The following RYR2 variants were observed in gnomAD, a reference collection of about 807,000 sequenced individuals.
RYR2 encodes the protein cardiac muscle ryanodine receptor-calcium release channel.
Under a neutral mutation model 601.1 loss-of-function variants are expected in RYR2, and 227 were observed. The ratio of observed to expected loss-of-function variants is 0.38; its 90% CI spans 0.34 to 0.42. RYR2 has a LOEUF of 0.42. Among genes scored for constraint, RYR2 ranks in the 10% least tolerant of loss-of-function variants. The probability of loss-of-function intolerance (pLI) is 1.00; values close to 1 mark genes in which losing one functional copy is unlikely to be tolerated. For missense variants in RYR2, 4,646 were observed against 6,156.5 expected, an observed-to-expected ratio of 0.75 and a Z score of 8.21; for synonymous variants, 2,223 against 2,175.1, an observed-to-expected ratio of 1.02 and a Z score of -0.61.
chr1:237,711,098 A>T (rs965722731), intron 70 of RYR2, among the ~76,000 whole-genome samples: 4 of 152,210 alleles, frequency 2.6e-5, no homozygotes, highest in Non-Finnish European at 4.4e-5. Context: ...TAGGTACAAG[A>T]CTAAAGTTTG....
At chr1:237,233,487 T>A (rs182430238) in intron 1 of RYR2, among the ~76,000 whole-genome samples, 1 of 152,158 alleles carries the variant, frequency 6.6e-6, no homozygotes, top group Admixed American at 6.5e-5. Context: ...CCAGCAATTT[T>A]ATATTAGTTC....
intron 29 of RYR2, among the ~76,000 whole-genome samples, chr1:237,578,680 G>C (rs74929626): frequency 0.3 from 44,858 of 150,998 alleles, 7,241 homozygotes; most frequent in East Asian, 0.61. Flanking sequence ...TTGGAGATTT[G>C]TTAAGGTCTC....
At chr1:237,107,519 C>CAAAAAAAAAAAAAAAAAAAA (rs71561857) in intron 1 of RYR2, among the ~76,000 whole-genome samples, 7 of 38,902 alleles carry the variant, frequency 1.8e-4, no homozygotes, top group African/African-American at 5.0e-4. Context: ...GACTCCATCT[C>CAAAAAAAAAAAAAAAAAAAA]AAAAAAAAAA....
At chr1:237,792,993 A>G (rs1373065859) in intron 94 of RYR2, among the ~76,000 whole-genome samples, 1 of 152,226 alleles carries the variant, frequency 6.6e-6, no homozygotes, top group Non-Finnish European at 1.5e-5. Context: ...GAACAATATA[A>G]TTTGGTGAAT....
At position 237,631,481 on chromosome 1, in the gene RYR2, G is replaced by A. The variant is rs1328477417; in HGVS notation, c.6495G>A (p.Leu2165=). The A allele has an allele frequency of 3.1e-6, 5 of 1,613,624 alleles. No individual in the cohort carries two copies. The African/African-American group carries it at 6.7e-5, about 22-fold the overall frequency. ...FYQHPNLMRA[L]GMHETVMEVM... is the part of the protein sequence containing the mutation. ...AGCACCCTAATCTCATGAGGGCACT[G>A]GGGATGCACGAGACTGTGATGGAGG... is the stretch of plus-strand genomic sequence containing the variant. Residue 2165 remains leucine (L), a synonymous_variant, in exon 42 of 105, where the codon CTG becomes CTA. Transcript: ENST00000366574.
chr1:237,478,207 T>C (rs1199271681), intron 17 of RYR2, among the ~76,000 whole-genome samples: 4 of 152,210 alleles, frequency 2.6e-5, no homozygotes. Context: ...TCTTTGCTGC[T>C]ATGTTTAGGA....
At chr1:237,139,502 T>C (rs907158487) in intron 1 of RYR2, among the ~76,000 whole-genome samples, 1 of 152,332 alleles carries the variant, frequency 6.6e-6, no homozygotes, top group South Asian at 2.1e-4. Flanking sequence ...TTATGAATTA[T>C]ATCTCAAGCC....
rs568428989 is a variant in RYR2 at position 237,067,124 on chromosome 1, C to CA, written c.48+24562dup. 5.1e-3 allele frequency among the ~76,000 whole-genome samples: 774 copies of CA among 152,034 alleles called. 10 individuals carry two copies. Among genetic ancestry groups the CA allele is most frequent in the African/African-American group, 0.017 (714 of 41,480 alleles). ...CATTTTCTCCCTCTCAACAGTCTTT[C>CA]AAAAAAACAGAAGTTTTTAATTTTG... On this transcript the variant is annotated intron_variant, in intron 1 of 104. Transcript: ENST00000366574.
chr1:237,756,565 AT>A (rs1199011992), intron 81 of RYR2, among the ~76,000 whole-genome samples, 178 bp downstream of exon 81: 7 of 149,646 alleles, frequency 4.7e-5, no homozygotes, highest in African/African-American at 7.4e-5. Flanking sequence ...ACCAATGTTA[AT>A]TTTTTTTTTC....
intron 73 of RYR2, among the ~76,000 whole-genome samples, chr1:237,719,125 T>C (rs938518741): frequency 6.6e-6 from 1 of 151,976 alleles, no homozygotes; most frequent in African/African-American, 2.4e-5. Flanking sequence ...TGGATGGTGG[T>C]GCACACCTGT....
chr1:237,548,653 A>G, intron 26 of RYR2, 63 bp downstream of exon 26: 1 of 1,569,094 alleles, frequency 6.4e-7, no homozygotes, highest in East Asian at 2.2e-5. Flanking sequence ...AATTTGTAAC[A>G]GGAAGGATTA....
At chr1:237,773,344 C>A (rs1462128824) in intron 86 of RYR2, among the ~76,000 whole-genome samples, 176 bp from the exon 87 acceptor site, 1 of 152,122 alleles carries the variant, frequency 6.6e-6, no homozygotes, top group Non-Finnish European at 1.5e-5. Context: ...GAAGGAGGTT[C>A]ACATATTGTA....
intron 1 of RYR2, among the ~76,000 whole-genome samples, chr1:237,117,671 C>CCTTCTCTTCTCTTCT (rs60631152): frequency 0.021 from 1,355 of 64,496 alleles, 101 homozygotes; most frequent in South Asian, 0.041. Context: ...CTCTTCTCTT[C>CCTTCTCTTCTCTTCT]CTTCTCTTCT....
At chr1:237,515,649 TCCCTCCC>T (rs1666356425) in intron 24 of RYR2, among the ~76,000 whole-genome samples, 1 of 23,250 alleles carries the variant, frequency 4.3e-5, no homozygotes, top group African/African-American at 1.7e-4. Context: ...ACCCACCCCT[TCCCTCCC>T]CTTCCCCTCC....
chr1:237,184,835 CTTTAG>C (rs1679172253), intron 1 of RYR2, among the ~76,000 whole-genome samples: 1 of 149,080 alleles, frequency 6.7e-6, no homozygotes, highest in African/African-American at 2.5e-5. Flanking sequence ...TCAGTTTTGT[CTTTAG>C]TTGAGTTGAA....
chr1:237,422,063 T>C (rs1705651363), intron 11 of RYR2, among the ~76,000 whole-genome samples: 2 of 152,168 alleles, frequency 1.3e-5, no homozygotes, highest in African/African-American at 4.8e-5. Flanking sequence ...GTCCTCACTT[T>C]GCATGGTACG....
intron 29 of RYR2, among the ~76,000 whole-genome samples, chr1:237,577,196 A>G (rs1319471430): frequency 1.3e-5 from 2 of 152,226 alleles, no homozygotes; most frequent in African/African-American, 4.8e-5. Flanking sequence ...AAGCCAGGAT[A>G]CAACTGAAAG....
chr1:237,139,860 G>A lies in RYR2; in HGVS notation c.48+97291G>A, dbSNP rs149549476. Among the ~76,000 whole-genome samples, 746 of 152,298 alleles carry A rather than the reference G, an allele frequency of 4.9e-3. 5 individuals carry two copies. Among genetic ancestry groups the A allele is most frequent in the African/African-American group, 0.017 (705 of 41,562 alleles). The stretch of plus-strand genomic sequence containing the variant: ...GTACTGAAACTATGGTGGCTTTGAC[G>A]AAATGGAATCATTGTCTGGCAGGCA... On this transcript the variant is annotated intron_variant, in intron 1 of 104. Coordinates refer to ENST00000366574, the MANE Select transcript of RYR2 (RefSeq NM_001035.3).
intron 1 of RYR2, among the ~76,000 whole-genome samples, chr1:237,231,160 T>TC (rs916263419): frequency 2.6e-5 from 4 of 152,158 alleles, no homozygotes; most frequent in African/African-American, 4.8e-5. Flanking sequence ...TGTCTGTTTT[T>TC]CCCCACTTAT....
Sources: allele counts gnomAD v4.1 joint callset (sites outside exome capture counted in the v4.1 genomes callset), GRCh38; gene constraint gnomAD v4.1.1; transcripts MANE v1.5; gene names NCBI Gene and HGNC (gene_info 2026-07-23, HGNC 2026-07-21).